The following GRAMD2B variants were observed in gnomAD, a reference collection of about 807,000 sequenced individuals.
GRAMD2B encodes the protein GRAM domain-containing protein 2B.
Under a neutral mutation model 59.2 loss-of-function variants are expected in GRAMD2B, and 41 were observed. That is an observed-to-expected ratio of 0.69 (90% CI 0.54 to 0.90). The LOEUF (loss-of-function observed/expected upper bound fraction) is 0.90, where lower values mean the gene tolerates loss of function less well. GRAMD2B is among the 40% of genes least tolerant of loss of function. The pLI, the probability that GRAMD2B is intolerant of heterozygous loss-of-function variation, is 0.00. For missense variants in GRAMD2B, 424 were observed against 500.5 expected (o/e 0.85, Z 1.46); for synonymous variants, 161 against 182.7 (o/e 0.88, Z 0.96).
chr5:126,375,518 T>C (rs111757939), intron 1 of GRAMD2B, among the ~76,000 whole-genome samples: 1,918 of 152,024 alleles, frequency 0.013, 34 homozygotes, highest in African/African-American at 0.044. Context: ...TACAGGCGCC[T>C]GCCACCACAC....
intron 1 of GRAMD2B, among the ~76,000 whole-genome samples, chr5:126,381,026 T>C (rs1453291422): frequency 6.6e-6 from 1 of 152,200 alleles, no homozygotes; most frequent in African/African-American, 2.4e-5. Context: ...AGTATAATGT[T>C]GGCTGGTGTT....
chr5:126,451,590 C>A (rs10075722), intron 1 of GRAMD2B, among the ~76,000 whole-genome samples: 2 of 152,100 alleles, frequency 1.3e-5, no homozygotes, highest in Non-Finnish European at 2.9e-5. Flanking sequence ...GAGTCTCTTA[C>A]GAGACTTAGG....
intron 1 of GRAMD2B, chr5:126,462,435 C>A (rs1388853218): frequency 1.0e-6 from 1 of 985,326 alleles, no homozygotes; most frequent in Non-Finnish European, 1.2e-6. Flanking sequence ...GCTGACAAGA[C>A]CTCCAAGGTA....
chr5:126,477,611 T>C, intron 5 of GRAMD2B, 81 bp from the exon 6 acceptor site: 2 of 847,774 alleles, frequency 2.4e-6, no homozygotes, highest in Middle Eastern at 4.5e-4. Flanking sequence ...TACCTTTTTT[T>C]TCTTTTTTCC....
intron 1 of GRAMD2B, 66 bp from the exon 2 acceptor site, chr5:126,465,360 C>T (rs759420297): frequency 1.0e-5 from 16 of 1,605,810 alleles, no homozygotes; most frequent in Admixed American, 5.2e-5. Flanking sequence ...CATGTTACTT[C>T]ATCGTTTTCC....
chr5:126,402,012 T>C (rs1757882287), intron 1 of GRAMD2B, among the ~76,000 whole-genome samples: 1 of 152,014 alleles, frequency 6.6e-6, no homozygotes, highest in African/African-American at 2.4e-5. Context: ...AAAACAAACT[T>C]ACTGGTCATA....
upstream of GRAMD2B, chr5:126,423,192 T>C: frequency 3.0e-6 from 3 of 1,011,062 alleles, no homozygotes; most frequent in Non-Finnish European, 2.4e-6. Context: ...ACAGTCGGGA[T>C]AGAAAACAAA....
chr5:126,491,283 G>A (rs1047462263), intron 13 of GRAMD2B, among the ~76,000 whole-genome samples: 4 of 152,148 alleles, frequency 2.6e-5, no homozygotes, highest in African/African-American at 9.7e-5. Context: ...AGGGATACAT[G>A]AGGAAGAAAC....
chr5:126,390,099 A>T (rs894188252), intron 1 of GRAMD2B, among the ~76,000 whole-genome samples: 18 of 152,394 alleles, frequency 1.2e-4, no homozygotes, highest in African/African-American at 4.3e-4. Flanking sequence ...TATAGTACAT[A>T]TAAATAACCA....
At chr5:126,480,074 TAAAAAC>T (rs1771429264) in intron 6 of GRAMD2B, 1 of 170,136 alleles carries the variant, frequency 5.9e-6, no homozygotes, top group South Asian at 1.6e-4. Context: ...TAAATACCCT[TAAAAAC>T]AAAAACAGAG....
intron 1 of GRAMD2B, among the ~76,000 whole-genome samples, chr5:126,393,449 A>C (rs749907341): frequency 1.9e-4 from 29 of 152,214 alleles, no homozygotes; most frequent in Non-Finnish European, 3.8e-4. Flanking sequence ...ATTTTTTGCC[A>C]AATTGCAACT....
At chr5:126,377,799 C>G (rs551955727) in intron 1 of GRAMD2B, among the ~76,000 whole-genome samples, 1 of 152,210 alleles carries the variant, frequency 6.6e-6, no homozygotes, top group East Asian at 1.9e-4. Context: ...TGGTGTCATG[C>G]ATCAGAAGTG....
At chr5:126,464,509 C>T (rs1767947527) in intron 1 of GRAMD2B, among the ~76,000 whole-genome samples, 1 of 152,184 alleles carries the variant, frequency 6.6e-6, no homozygotes, top group Admixed American at 6.5e-5. Flanking sequence ...GGGAACTCAC[C>T]TCTGCATCCC....
intron 1 of GRAMD2B, among the ~76,000 whole-genome samples, chr5:126,390,917 G>A (rs1044899098): frequency 3.3e-5 from 5 of 152,154 alleles, no homozygotes; most frequent in Admixed American, 3.3e-4. Context: ...CGTAATAAAA[G>A]AGTTGGACTC....
chr5:126,396,335 C>T (rs757369790), intron 1 of GRAMD2B, among the ~76,000 whole-genome samples: 27 of 152,148 alleles, frequency 1.8e-4, no homozygotes, highest in Non-Finnish European at 3.4e-4. Context: ...TCCCACCTTC[C>T]ATCTACCAAT....
chr5:126,378,577 A>G (rs571085046), intron 1 of GRAMD2B, among the ~76,000 whole-genome samples: 2 of 152,276 alleles, frequency 1.3e-5, no homozygotes, highest in South Asian at 2.1e-4. Flanking sequence ...TTCTATGCCC[A>G]TGGTCTCCAA....
intron 9 of GRAMD2B, among the ~76,000 whole-genome samples, chr5:126,483,851 T>C (rs991659543): frequency 2.0e-5 from 3 of 152,022 alleles, no homozygotes; most frequent in Non-Finnish European, 4.4e-5. Flanking sequence ...AACATACAAT[T>C]TTGTTTTTGT....
chr5:126,430,105 G>C (rs879367037), intron 1 of GRAMD2B, among the ~76,000 whole-genome samples: 8 of 152,174 alleles, frequency 5.3e-5, no homozygotes, highest in Non-Finnish European at 8.8e-5. Context: ...ATAAAGCAAA[G>C]ATCCTTGAGA....
chr5:126,409,566 T>C (rs1190746963), intron 1 of GRAMD2B, among the ~76,000 whole-genome samples: 1 of 152,210 alleles, frequency 6.6e-6, no homozygotes, highest in Admixed American at 6.5e-5. Context: ...TTGTTTGAGT[T>C]CATTGTAGGT....
Sources: gnomAD v4.1 joint callset for allele counts (sites outside exome capture counted in the v4.1 genomes callset) on GRCh38, gnomAD v4.1.1 for gene constraint, MANE v1.5 for transcripts, NCBI Gene and HGNC (gene_info 2026-07-23, HGNC 2026-07-21) for gene names.